The following ZFAT variants were observed in gnomAD, a reference collection of about 807,000 sequenced individuals.
The protein encoded by ZFAT is zinc finger protein ZFAT.
Under a neutral mutation model 117.7 loss-of-function variants are expected in ZFAT, and 64 were observed. That is an observed-to-expected ratio of 0.54 (90% CI 0.44 to 0.67). The LOEUF (loss-of-function observed/expected upper bound fraction) is 0.67. Among genes scored for constraint, ZFAT ranks in the 30% least tolerant of loss-of-function variants. The pLI is 0.00. For synonymous variants in ZFAT, 679 were observed against 615.0 expected (o/e 1.10, Z -1.54); for missense variants, 1,433 against 1,584.5 (o/e 0.90, Z 1.62).
At chr8:134,645,479 T>C (rs1297869319) in intron 2 of ZFAT, among the ~76,000 whole-genome samples, 1 of 151,870 alleles carries the variant, frequency 6.6e-6, no homozygotes, top group Non-Finnish European at 1.5e-5. Context: ...AAAAGTAGTT[T>C]AGTATACACA....
chr8:134,654,972 G>A (rs1427536699), intron 2 of ZFAT, among the ~76,000 whole-genome samples: 1 of 152,184 alleles, frequency 6.6e-6, no homozygotes, highest in African/African-American at 2.4e-5. Flanking sequence ...CCCCACTTGG[G>A]ACCAAAAAGT....
upstream of ZFAT, chr8:134,713,099 T>C: frequency 2.4e-6 from 1 of 412,064 alleles, no homozygotes; most frequent in Non-Finnish European, 4.2e-6. Flanking sequence ...CGGGTGACCC[T>C]CCCCCGGCGC....
the ZFAT span, among the ~76,000 whole-genome samples, chr8:134,772,782 T>C: frequency 5.6e-3 from 853 of 152,176 alleles, 11 homozygotes; most frequent in African/African-American, 0.02. Context: ...TTCAAAGGGG[T>C]GGATGTGGTG....
intron 11 of ZFAT, among the ~76,000 whole-genome samples, chr8:134,558,450 G>A (rs961938955): frequency 6.6e-6 from 1 of 152,136 alleles, no homozygotes; most frequent in South Asian, 2.1e-4. Context: ...AATTCCCAAA[G>A]GTTAACTAAT....
chr8:134,657,551 G>C lies in ZFAT; in HGVS notation c.196+10C>G. ...AGAAGGTATCCTGCCCCACCCCCCAGCCCCCTTACCATCTCCGGTTTTGCT... is the reference window on the plus strand; with the variant it reads ...AGAAGGTATCCTGCCCCACCCCCCACCCCCCTTACCATCTCCGGTTTTGCT... On this transcript the variant is annotated intron_variant, in intron 2 of 15. Transcript: ENST00000377838. 1 of 1,602,652 alleles carries C rather than the reference G, an allele frequency of 6.2e-7. No homozygotes were observed. Among genetic ancestry groups the C allele is most frequent in the Non-Finnish European group, 8.5e-7 (1 of 1,171,944 alleles).
chr8:134,714,235 C>T (rs1007664068), upstream of ZFAT, among the ~76,000 whole-genome samples: 3 of 151,664 alleles, frequency 2.0e-5, no homozygotes, highest in Non-Finnish European at 4.4e-5. Context: ...CTGGAATAAC[C>T]CTCTTTGGTT....
At chr8:134,658,337 C>CAA (rs34770848) in intron 1 of ZFAT, among the ~76,000 whole-genome samples, 7 of 117,964 alleles carry the variant, frequency 5.9e-5, no homozygotes, top group African/African-American at 1.0e-4. Context: ...ATTCTGTCTC[C>CAA]AAAAAAAAAA....
Position 134,509,742 on chromosome 8 carries a change from T to C in ZFAT, c.3369A>G (p.Arg1123=). 6.2e-7 allele frequency: 1 copy of C among 1,602,918 alleles called. No homozygotes were observed. ...GGATGTTCACGGCCGTGGGGTCCAG[T>C]CGGTCGCCTTAAGAGGAAGAAGCAA... is the stretch of plus-strand genomic sequence containing the variant. ...DLRYTSESGD[R]LDPTAVNILQ... is the part of the protein sequence containing the mutation. The change falls in exon 15 of 16, where the codon CGA becomes CGG. Residue 1123 remains arginine, a synonymous_variant. Transcript: ENST00000377838.
intron 11 of ZFAT, among the ~76,000 whole-genome samples, chr8:134,537,883 G>A (rs1035655732): frequency 1.3e-5 from 2 of 152,304 alleles, no homozygotes; most frequent in South Asian, 2.1e-4. Flanking sequence ...AGGAGATGGA[G>A]CCTCTAGGAT....
the ZFAT span, among the ~76,000 whole-genome samples, chr8:134,731,649 T>A: frequency 6.6e-6 from 1 of 152,268 alleles, no homozygotes; most frequent in Non-Finnish European, 1.5e-5. Context: ...CTATGGTATG[T>A]GTACTTTCTG....
rs1215374141 is a variant in ZFAT at position 134,583,812 on chromosome 8, A to T, written c.2887+20T>A. 1 of 1,611,874 alleles carries T rather than the reference A, an allele frequency of 6.2e-7. No homozygotes were observed. Among genetic ancestry groups the T allele is most frequent in the Non-Finnish European group, 8.5e-7 (1 of 1,178,750 alleles). On this transcript the variant is annotated intron_variant, in intron 10 of 15. Transcript: ENST00000377838. ...ACCACACATTTAGAGGGGAAAGTTC[A>T]CCTTGGGCCATTTACTCACCATCTG...
At chr8:134,712,497 CAA>C (rs75984984) in intron 1 of ZFAT, among the ~76,000 whole-genome samples, 23,629 of 152,044 alleles carry the variant, frequency 0.16, 2,404 homozygotes, top group East Asian at 0.37. Context: ...AAGGTCCAGT[CAA>C]AGAGCTGGCA....
chr8:134,535,186 C>T (rs2130585715), intron 11 of ZFAT, among the ~76,000 whole-genome samples: 1 of 152,312 alleles, frequency 6.6e-6, no homozygotes, highest in South Asian at 2.1e-4. Flanking sequence ...TGGATTTGTT[C>T]TTCTGTTCTG....
the ZFAT span, chr8:134,795,007 A>C: frequency 6.6e-6 from 1 of 152,194 alleles, no homozygotes; most frequent in Non-Finnish European, 1.5e-5. Context: ...ACAGAGAACT[A>C]TCCAGAAAAG....
upstream of ZFAT, among the ~76,000 whole-genome samples, chr8:134,713,818 G>A (rs1316798804): frequency 1.3e-5 from 2 of 151,822 alleles, no homozygotes; most frequent in African/African-American, 4.8e-5. Context: ...CCCATCTAAA[G>A]TAACCCTCCA....
chr8:134,772,766 C>G, the ZFAT span, among the ~76,000 whole-genome samples: 1 of 152,060 alleles, frequency 6.6e-6, no homozygotes, highest in Non-Finnish European at 1.5e-5. Flanking sequence ...TGCCTGGCTT[C>G]AAAGCTTCAA....
chr8:134,526,150 G>GA (rs1376781617), intron 12 of ZFAT, among the ~76,000 whole-genome samples: 1 of 152,276 alleles, frequency 6.6e-6, no homozygotes, highest in East Asian at 1.9e-4. Flanking sequence ...GCTTTAAAAT[G>GA]AAATTAAAGG....
At chr8:134,701,487 CTT>C (rs1221370053) in intron 1 of ZFAT, among the ~76,000 whole-genome samples, 1 of 152,196 alleles carries the variant, frequency 6.6e-6, no homozygotes, top group African/African-American at 2.4e-5. Flanking sequence ...ACAAATATCT[CTT>C]TGAGACTCTG....
upstream of ZFAT, among the ~76,000 whole-genome samples, chr8:134,717,071 T>G (rs1814219873): frequency 6.6e-6 from 1 of 152,062 alleles, no homozygotes; most frequent in South Asian, 2.1e-4. Context: ...TGTTGGAAGT[T>G]AATGGATTAG....
Sources: gnomAD v4.1 joint callset for allele counts (sites outside exome capture counted in the v4.1 genomes callset) on GRCh38, gnomAD v4.1.1 for gene constraint, MANE v1.5 for transcripts, NCBI Gene and HGNC (gene_info 2026-07-23, HGNC 2026-07-21) for gene names.